POLE: variants seen among roughly 807,000 people sequenced by gnomAD.
POLE encodes DNA polymerase epsilon, catalytic subunit.
In POLE, 188 loss-of-function variants were observed where a neutral mutation model predicts 279.2. The observed-to-expected ratio is 0.67, with a 90% CI of 0.60 to 0.76. The LOEUF (loss-of-function observed/expected upper bound fraction) is 0.76, where lower values mean the gene tolerates loss of function less well. POLE is among the 30% of genes least tolerant of loss of function. The probability of loss-of-function intolerance (pLI) is 0.00; values close to 1 mark genes in which losing one functional copy is unlikely to be tolerated. For missense variants in POLE, 2,703 were observed against 3,016.7 expected (o/e 0.90, Z 2.44); for synonymous variants, 1,214 against 1,172.5 (o/e 1.04, Z -0.72).
At chr12:132,630,923 T>C (rs1279175559) in intron 45 of POLE, among the ~76,000 whole-genome samples, 1 of 152,218 alleles carries the variant, frequency 6.6e-6, no homozygotes, top group African/African-American at 2.4e-5. Flanking sequence ...AGTTTGGCAG[T>C]TTCTTATCAA....
At chr12:132,640,138 T>C (rs1343552886) in intron 39 of POLE, among the ~76,000 whole-genome samples, 3 of 152,144 alleles carry the variant, frequency 2.0e-5, no homozygotes, top group Admixed American at 1.3e-4. Context: ...AACACATGCC[T>C]ACACCCCATT....
intron 45 of POLE, among the ~76,000 whole-genome samples, chr12:132,628,592 AAGACCGCAC>A (rs2041879673): frequency 6.6e-6 from 1 of 150,998 alleles, no homozygotes; most frequent in African/African-American, 2.4e-5. Context: ...GCAGCGAGCC[AAGACCGCAC>A]CACTGTATTC....
Position 132,635,887 on chromosome 12 carries a change from C to T in POLE, c.5811+5G>A, listed in dbSNP as rs562946055. On this transcript the variant is annotated splice_donor_5th_base_variant and intron_variant, in intron 42 of 48. Transcript: ENST00000320574. ...GGCTCGGGTGCCACACTGCAGCTCG[C>T]TTACCAGTCCACAGTGAATACGAGA... The T allele has an allele frequency of 7.5e-6, 12 of 1,608,588 alleles. No individual in the cohort carries two copies. In the African/African-American group the frequency reaches 1.5e-4, roughly 20 times the overall value.
At chr12:132,657,072 G>A in intron 29 of POLE, 64 bp downstream of exon 29, 1 of 1,566,546 alleles carries the variant, frequency 6.4e-7, no homozygotes, top group South Asian at 1.1e-5. Context: ...AGCAGCGCAA[G>A]AAGCCTGGAG....
At position 132,675,896 on chromosome 12, in the gene POLE, C is replaced by A; in HGVS notation, c.1021-76G>T. On this transcript the variant is annotated intron_variant, in intron 10 of 48. Transcript: ENST00000320574. This position sits in a 1 kb window ranked among gnomAD's most constrained non-coding sequence, Gnocchi z 4.3. Reference sequence around the variant, plus strand: ...TATTCCAAATTCCTCTCCCAAAGTTCAGAAGCAGCAGCCTCATGTTGGCCC... The same window carrying A: ...TATTCCAAATTCCTCTCCCAAAGTTAAGAAGCAGCAGCCTCATGTTGGCCC... The A allele has an allele frequency of 8.0e-7, 1 of 1,249,384 alleles. No individual in the cohort carries two copies. The highest frequency in any genetic ancestry group is 1.7e-5 in the Admixed American group (1 of 58,324). The allele number at this position is 1,249,384 out of a possible 1,614,324, so 77.4% of individuals were successfully genotyped here.
intron 9 of POLE, 141 bp from the exon 10 acceptor site, chr12:132,676,345 G>A (rs981525854): frequency 1.6e-5 from 12 of 729,042 alleles, no homozygotes; most frequent in African/African-American, 1.2e-4. Context: ...TAAGCTTCCT[G>A]AGAAGAGACG....
intron 32 of POLE, among the ~76,000 whole-genome samples, chr12:132,648,382 T>A (rs1382801724): frequency 6.6e-6 from 1 of 151,750 alleles, no homozygotes; most frequent in Non-Finnish European, 1.5e-5. Flanking sequence ...AGCTAATGCA[T>A]GTGGGGCCTA....
chr12:132,672,511 G>A (rs1036661573), intron 15 of POLE, 116 bp downstream of exon 15: 39 of 1,206,332 alleles, frequency 3.2e-5, no homozygotes, highest in Admixed American at 1.1e-4. Flanking sequence ...AGCCACACCC[G>A]GTGAGGGGCC....
chr12:132,642,050 C>T, intron 38 of POLE, 127 bp downstream of exon 38: 1 of 987,696 alleles, frequency 1.0e-6, no homozygotes, highest in Non-Finnish European at 1.5e-6. Context: ...CCGTCTCCTG[C>T]AGCCTCAGCT....
intron 45 of POLE, among the ~76,000 whole-genome samples, chr12:132,626,856 G>A (rs5745057): frequency 4.0e-4 from 61 of 152,240 alleles, no homozygotes; most frequent in Middle Eastern, 6.3e-3. Context: ...GTATCTTGGA[G>A]ATATGGCAAG....
chr12:132,641,770 TCGGCCCCC>T lies in POLE; in HGVS notation c.5247_5254del (p.Gly1750GlnfsTer32). The T allele has an allele frequency of 6.2e-7, 1 of 1,610,056 alleles. No individual in the cohort carries two copies. Among genetic ancestry groups the T allele is most frequent in the East Asian group, 2.2e-5 (1 of 44,876 alleles). On this transcript the variant is annotated frameshift_variant, in exon 39 of 49. Coordinates refer to ENST00000320574, the MANE Select transcript of POLE (RefSeq NM_006231.4). LOFTEE classifies it high-confidence loss of function. The stretch of plus-strand genomic sequence containing the variant: ...CACGTCGAAGCTGATCCCCATGCTG[TCGGCCCCC>T]TCCATGTCGTTGACATGGTGAGACT...
Position 132,639,089 on chromosome 12 carries a change from G to T in POLE, c.5552+36C>A, listed in dbSNP as rs2042088971. 1 of 1,600,216 alleles carries T rather than the reference G, an allele frequency of 6.2e-7. No individual in the cohort carries two copies. Among genetic ancestry groups the T allele is most frequent in the Non-Finnish European group, 8.6e-7 (1 of 1,168,286 alleles). ...GGAGTAAGGGACCAGCCCAGCTGAG[G>T]ACGCGGTGGACAGCCCAGGGAGGAG... On this transcript the variant is annotated intron_variant, in intron 40 of 48. Transcript: ENST00000320574. The surrounding 1 kb of genome is among the most constrained non-coding windows in gnomAD (Gnocchi z 4.7).
At chr12:132,655,435 C>T (rs1256472875) in intron 29 of POLE, among the ~76,000 whole-genome samples, 2 of 151,978 alleles carry the variant, frequency 1.3e-5, no homozygotes, top group African/African-American at 4.8e-5. Flanking sequence ...GATAGGTATT[C>T]TCTAATTTTA....
chr12:132,643,164 G>C, intron 35 of POLE, 60 bp downstream of exon 35: 9 of 1,555,928 alleles, frequency 5.8e-6, no homozygotes, highest in Non-Finnish European at 7.9e-6. Flanking sequence ...CCTGGGAGAT[G>C]TCCTCCTTCC....
In POLE at chr12:132,625,719, C is replaced by T. The variant is rs1472336573; in HGVS notation, c.6583G>A (p.Asp2195Asn). The change falls in exon 47 of 49, where the codon GAC becomes AAC. Residue 2195 changes from aspartate (D) to asparagine (N), a missense_variant. Around this residue, in one of 5 missense-constraint regions of POLE, gnomAD observed 1,551 missense variants for 1,686.1 expected, o/e 0.92. Transcript: ENST00000320574. ...AGCGTCATCTCGATGGCAGAGGAGTCGTAGGGCGCCTGACAGTTGGAGCAG... is the reference window on the plus strand; with the variant it reads ...AGCGTCATCTCGATGGCAGAGGAGTTGTAGGGCGCCTGACAGTTGGAGCAG... ...WLCSNCQAPY[D>N]SSAIEMTLVE... 2.5e-6 allele frequency: 4 copies of T among 1,613,306 alleles called. No homozygotes were observed. The highest frequency in any genetic ancestry group is 1.3e-5 in the African/African-American group (1 of 74,948).
chr12:132,650,760 T>C (rs1029558227), intron 29 of POLE: 2 of 152,150 alleles, frequency 1.3e-5, no homozygotes, highest in Non-Finnish European at 2.9e-5. Flanking sequence ...CCCTCTTCTG[T>C]CTGCCCCCAC....
At chr12:132,672,891 T>C in intron 14 of POLE, 52 bp from the exon 15 acceptor site, 1 of 1,518,068 alleles carries the variant, frequency 6.6e-7, no homozygotes, top group South Asian at 1.2e-5. Flanking sequence ...AGGCCCTGAC[T>C]TGCAGGCAAA....
intron 45 of POLE, among the ~76,000 whole-genome samples, chr12:132,630,288 A>T (rs1407928481): frequency 6.6e-6 from 1 of 152,216 alleles, no homozygotes; most frequent in African/African-American, 2.4e-5. Context: ...AATACAGGTA[A>T]CCGCTTCGAA....
At position 132,643,840 on chromosome 12, in the gene POLE, A is replaced by G. The variant is rs1060504044; in HGVS notation, c.4287T>C (p.Thr1429=). Reference sequence around the variant, plus strand: ...TCGAGGGTGGCTGGGGAGTCACCTGAGTCTCATATACGCCCTCGATGTCTG... The same window carrying G: ...TCGAGGGTGGCTGGGGAGTCACCTGGGTCTCATATACGCCCTCGATGTCTG... The part of the protein sequence containing the change: ...SAPDIEGVYE[T]QVPLLFRALV... The change falls in exon 33 of 49, where the codon ACT becomes ACC. Residue 1429 remains threonine (T), a synonymous_variant. Coordinates refer to ENST00000320574, the MANE Select transcript of POLE (RefSeq NM_006231.4). 6.2e-7 allele frequency: 1 copy of G among 1,613,422 alleles called. No homozygotes were observed. Among genetic ancestry groups the G allele is most frequent in the East Asian group, 2.2e-5 (1 of 44,858 alleles).
Sources: allele counts gnomAD v4.1 joint callset (sites outside exome capture counted in the v4.1 genomes callset), GRCh38; gene constraint gnomAD v4.1.1; regional missense constraint gnomAD v4.1.1; non-coding constraint Gnocchi (gnomAD v3.1); transcripts MANE v1.5; gene names NCBI Gene and HGNC (gene_info 2026-07-23, HGNC 2026-07-21).